Variants in MGAT5 observed in about 807,000 individuals in gnomAD.
MGAT5 encodes the protein alpha-1,6-mannosylglycoprotein 6-beta-N-acetylglucosaminyltransferase.
A neutral mutation model predicts 94.3 loss-of-function variants in MGAT5; 30 were observed. That is an observed-to-expected ratio of 0.32 (90% CI 0.24 to 0.43). The LOEUF (loss-of-function observed/expected upper bound fraction) is 0.43, where lower values mean the gene tolerates loss of function less well. Among genes scored for constraint, MGAT5 ranks in the 20% least tolerant of loss-of-function variants. The pLI is 1.00. For synonymous variants in MGAT5, 310 were observed against 322.9 expected, an observed-to-expected ratio of 0.96 and a Z score of 0.43; for missense variants, 691 against 905.5, an observed-to-expected ratio of 0.76 and a Z score of 3.04.
At chr2:134,129,399 C>A (rs1006156702) in intron 1 of MGAT5, among the ~76,000 whole-genome samples, 3 of 152,152 alleles carry the variant, frequency 2.0e-5, no homozygotes, top group African/African-American at 7.2e-5. Context: ...GATATAATGC[C>A]ATCTCCCTGT....
At chr2:134,393,532 T>G (rs1682537251) in intron 10 of MGAT5, among the ~76,000 whole-genome samples, 1 of 152,006 alleles carries the variant, frequency 6.6e-6, no homozygotes, top group South Asian at 2.1e-4. Context: ...TTATTTGGAG[T>G]CTGTCATCCC....
chr2:134,214,744 G>A (rs1042654147), intron 1 of MGAT5, among the ~76,000 whole-genome samples: 2 of 152,184 alleles, frequency 1.3e-5, no homozygotes, highest in East Asian at 1.9e-4. Context: ...TATTTATGTC[G>A]CAACCTAACA....
intron 1 of MGAT5, among the ~76,000 whole-genome samples, chr2:134,174,394 T>G (rs1311588888): frequency 1.3e-5 from 2 of 152,366 alleles, no homozygotes; most frequent in East Asian, 3.9e-4. Flanking sequence ...TAGACATTAT[T>G]TGAGGGCTAG....
intron 10 of MGAT5, among the ~76,000 whole-genome samples, chr2:134,381,117 T>G (rs1207432034): frequency 6.6e-6 from 1 of 152,096 alleles, no homozygotes; most frequent in Non-Finnish European, 1.5e-5. Context: ...AATTCTGAAC[T>G]CTTTGAATCA....
In MGAT5 at chr2:134,237,123, A is replaced by ATGTGTATGTATGTGTGTG. The variant is rs367744090; in HGVS notation, c.-142-17134_-142-17133insATGTATGTGTGTGTGTGT. Among the ~76,000 whole-genome samples, 226 of 140,718 alleles carry ATGTGTATGTATGTGTGTG rather than the reference A, an allele frequency of 1.6e-3. 3 individuals are homozygous for ATGTGTATGTATGTGTGTG. The highest frequency in any genetic ancestry group is 7.2e-3 in the Middle Eastern group (2 of 278). 92.3% of individuals were successfully genotyped at this position (140,718 alleles called of 152,430 possible). A position where few individuals can be genotyped will look rare whatever the true frequency, so the allele number is the denominator to read the frequency against. On this transcript the variant is annotated intron_variant, in intron 1 of 16. Coordinates refer to the MGAT5 transcript ENST00000409645. Reference sequence around the variant, plus strand: ...TAGGTAGGTTATGTAGAAGGAGTATATGTGTGTGTGTGTGTGTGTGTGTGT... The same window carrying ATGTGTATGTATGTGTGTG: ...TAGGTAGGTTATGTAGAAGGAGTATATGTGTATGTATGTGTGTGTGTGTGTGTGTGTGTGTGTGTGTGT...
At chr2:134,149,158 A>C (rs1179341067) in intron 1 of MGAT5, among the ~76,000 whole-genome samples, 3 of 152,154 alleles carry the variant, frequency 2.0e-5, no homozygotes, top group Admixed American at 2.0e-4. Flanking sequence ...CTTTTAAGAA[A>C]TAGTGCAATG....
chr2:134,239,052 G>T (rs1681817291), intron 1 of MGAT5, among the ~76,000 whole-genome samples: 1 of 152,172 alleles, frequency 6.6e-6, no homozygotes, highest in Admixed American at 6.5e-5. Flanking sequence ...AGGCTGGAGT[G>T]CAGTGGCGCC....
At position 134,441,851 on chromosome 2, in the gene MGAT5, G is replaced by A; in HGVS notation, c.1963G>A (p.Glu655Lys). 6.2e-7 allele frequency: 1 copy of A among 1,614,136 alleles called. No individual in the cohort carries two copies. The highest frequency in any genetic ancestry group is 8.5e-7 in the Non-Finnish European group (1 of 1,180,018). ...GCAGTCCTGCAAGCAGGTGTGCCAG[G>A]AGAGCCAGCTCATCTGCGAGCCTTC... ...PGQSCKQVCQ[E>K]SQLICEPSFF... The change falls in exon 15 of 16, where the codon GAG (glutamate) becomes AAG (lysine). Residue 655 changes from glutamate (E) to lysine (K), a missense_variant. Coordinates refer to ENST00000281923, the MANE Select transcript of MGAT5 (RefSeq NM_002410.5).
At chr2:134,148,256 C>A (rs1573743878) in intron 1 of MGAT5, among the ~76,000 whole-genome samples, 1 of 152,186 alleles carries the variant, frequency 6.6e-6, no homozygotes, top group Non-Finnish European at 1.5e-5. Flanking sequence ...AAATTTTATC[C>A]TGACTGATAA....
At chr2:134,416,817 C>G (rs1279326150) in intron 12 of MGAT5, among the ~76,000 whole-genome samples, 1 of 146,054 alleles carries the variant, frequency 6.8e-6, no homozygotes, top group African/African-American at 2.5e-5. Flanking sequence ...GTTGCTTAGG[C>G]TGGTCTCCAA....
intron 2 of MGAT5, among the ~76,000 whole-genome samples, chr2:134,276,664 G>A: frequency 6.6e-6 from 1 of 152,148 alleles, no homozygotes; most frequent in East Asian, 1.9e-4. Flanking sequence ...TTGTTCCCTG[G>A]GCCGTGGCAG....
intron 1 of MGAT5, among the ~76,000 whole-genome samples, chr2:134,245,833 G>T (rs1189009004): frequency 1.3e-5 from 2 of 152,184 alleles, no homozygotes; most frequent in Non-Finnish European, 2.9e-5. Flanking sequence ...CAGATATGGA[G>T]CCCTGAACTC....
intron 1 of MGAT5, among the ~76,000 whole-genome samples, chr2:134,236,235 T>C (rs1367427346): frequency 6.6e-6 from 1 of 152,176 alleles, no homozygotes. Context: ...AGGCAGTGGT[T>C]CCAGGAACTT....
At chr2:134,245,223 AG>A (rs1344373281) in intron 1 of MGAT5, among the ~76,000 whole-genome samples, 1 of 152,182 alleles carries the variant, frequency 6.6e-6, no homozygotes, top group African/African-American at 2.4e-5. Context: ...CGTGTTAGCC[AG>A]GATGGTCTCG....
chr2:134,133,273 T>A lies in MGAT5; in HGVS notation c.-143+12982T>A, dbSNP rs543221352. ...GGTTGAAAAGACTTTGGAATTTTTT[T>A]AAAACTCAGATTTAATTGGCTCCTT... On this transcript the variant is annotated intron_variant, in intron 1 of 16. Coordinates refer to the MGAT5 transcript ENST00000409645. Among the ~76,000 whole-genome samples the A allele has an allele frequency of 2.0e-5, 3 of 152,364 alleles. No homozygotes were observed. In the East Asian group the frequency reaches 5.8e-4, roughly 29 times the overall value.
At chr2:134,285,877 A>G (rs1684970385) in intron 2 of MGAT5, among the ~76,000 whole-genome samples, 1 of 152,174 alleles carries the variant, frequency 6.6e-6, no homozygotes, top group East Asian at 1.9e-4. Context: ...GAATGTCCTA[A>G]ATATTTGCTG....
intron 1 of MGAT5, among the ~76,000 whole-genome samples, chr2:134,244,232 C>T (rs1682115627): frequency 6.6e-6 from 1 of 152,028 alleles, no homozygotes; most frequent in South Asian, 2.1e-4. Flanking sequence ...CTTAGAGAGT[C>T]ATTATCAACC....
chr2:134,295,032 G>A (rs904554006), intron 2 of MGAT5, among the ~76,000 whole-genome samples: 1 of 152,112 alleles, frequency 6.6e-6, no homozygotes, highest in East Asian at 1.9e-4. Flanking sequence ...CAAAACTGCT[G>A]GCAAGTGTAC....
At chr2:134,238,741 C>T (rs1681794349) in intron 1 of MGAT5, among the ~76,000 whole-genome samples, 1 of 152,114 alleles carries the variant, frequency 6.6e-6, no homozygotes, top group Non-Finnish European at 1.5e-5. Context: ...GTCAGGAGTT[C>T]AAGACCAGCC....
Sources: allele counts gnomAD v4.1 joint callset (sites outside exome capture counted in the v4.1 genomes callset), GRCh38; gene constraint gnomAD v4.1.1; transcripts MANE v1.5; gene names NCBI Gene and HGNC (gene_info 2026-07-23, HGNC 2026-07-21).